The following STPG4 variants were observed in gnomAD, a reference collection of about 807,000 sequenced individuals.
The protein encoded by STPG4 is sperm-tail PG-rich repeat containing 4, also known as protein STPG4.
In STPG4, 41 loss-of-function variants were observed where a neutral mutation model predicts 31.5. The observed-to-expected ratio is 1.30, with a 90% CI of 1.01 to 1.69. The LOEUF is 1.69. Among genes scored for constraint, STPG4 ranks in the 40% most tolerant of loss-of-function variants. The pLI is 0.00. For synonymous variants in STPG4, 141 were observed against 103.0 expected (o/e 1.37, Z -2.24); for missense variants, 375 against 293.4 (o/e 1.28, Z -2.03).
chr2:47,114,746 C>A (rs776516229), intron 5 of STPG4, among the ~76,000 whole-genome samples: 1 of 152,022 alleles, frequency 6.6e-6, no homozygotes, highest in Non-Finnish European at 1.5e-5. Context: ...CATTCTTAAA[C>A]GATCATCCAA....
intron 5 of STPG4, among the ~76,000 whole-genome samples, chr2:47,099,835 G>A (rs982542639): frequency 1.3e-5 from 2 of 151,830 alleles, no homozygotes; most frequent in African/African-American, 2.4e-5. Flanking sequence ...AGCAGCTGGT[G>A]GGCCCTGCTG....
chr2:47,095,678 T>C (rs574120529), intron 5 of STPG4, among the ~76,000 whole-genome samples: 2 of 152,336 alleles, frequency 1.3e-5, no homozygotes, highest in South Asian at 2.1e-4. Context: ...TACAGTGATA[T>C]ATGACTGTCT....
chr2:47,134,455 T>C (rs1458826458), intron 3 of STPG4, among the ~76,000 whole-genome samples: 4 of 152,232 alleles, frequency 2.6e-5, no homozygotes, highest in African/African-American at 7.2e-5. Context: ...AATCATACCA[T>C]ATGCAGCCTT....
chr2:47,130,991 T>A (rs1686469092), intron 3 of STPG4, among the ~76,000 whole-genome samples: 1 of 151,722 alleles, frequency 6.6e-6, no homozygotes. Flanking sequence ...CTTTTTTATT[T>A]TTTGTAGAGA....
intron 5 of STPG4, among the ~76,000 whole-genome samples, chr2:47,102,406 A>G (rs1048626255): frequency 2.0e-5 from 3 of 151,920 alleles, no homozygotes; most frequent in African/African-American, 7.3e-5. Context: ...TATTTTCTGC[A>G]CTACGGCTTG....
chr2:47,111,771 C>CA (rs1212781145), intron 5 of STPG4, among the ~76,000 whole-genome samples: 3 of 152,056 alleles, frequency 2.0e-5, no homozygotes, highest in African/African-American at 4.8e-5. Flanking sequence ...TTCCTATGGA[C>CA]AAAAAAATGA....
intron 5 of STPG4, among the ~76,000 whole-genome samples, chr2:47,095,791 T>C (rs1450094586): frequency 3.3e-5 from 5 of 152,166 alleles, no homozygotes; most frequent in Non-Finnish European, 5.9e-5. Flanking sequence ...CCCTGGCAGC[T>C]AGGTGTGGCT....
chr2:47,092,646 G>C (rs1685594086), intron 5 of STPG4, among the ~76,000 whole-genome samples: 1 of 139,538 alleles, frequency 7.2e-6, no homozygotes, highest in Non-Finnish European at 1.6e-5. Flanking sequence ...GAGAGGAGGA[G>C]AAAGGGAGGG....
chr2:47,099,098 C>T (rs1048392219), intron 5 of STPG4, among the ~76,000 whole-genome samples: 39 of 152,218 alleles, frequency 2.6e-4, no homozygotes, highest in Non-Finnish European at 4.8e-4. Context: ...TAGGCTGTCA[C>T]ATGGGAGGGG....
chr2:47,144,840 C>G (rs1488874955), intron 3 of STPG4, among the ~76,000 whole-genome samples: 6 of 152,300 alleles, frequency 3.9e-5, no homozygotes, highest in Middle Eastern at 3.4e-3. Flanking sequence ...AAACGATTCT[C>G]CTGCCTCAGC....
chr2:47,106,666 G>C (rs1386587699), intron 5 of STPG4, among the ~76,000 whole-genome samples: 1 of 151,876 alleles, frequency 6.6e-6, no homozygotes, highest in African/African-American at 2.4e-5. Context: ...GTCAAGGATA[G>C]TATGAGATAC....
At chr2:47,152,660 T>G (rs572374815) in intron 2 of STPG4, among the ~76,000 whole-genome samples, 22 of 152,350 alleles carry the variant, frequency 1.4e-4, no homozygotes, top group Non-Finnish European at 2.5e-4. Flanking sequence ...ATGCTTTTTT[T>G]GTTTTGCAAT....
intron 3 of STPG4, among the ~76,000 whole-genome samples, chr2:47,146,711 G>A (rs368031231): frequency 5.9e-5 from 9 of 152,312 alleles, no homozygotes; most frequent in African/African-American, 1.4e-4. Context: ...CAGAGAATGA[G>A]CAGAGATGGA....
At chr2:47,152,816 T>G in intron 2 of STPG4, 141 bp downstream of exon 2, 1 of 507,138 alleles carries the variant, frequency 2.0e-6, no homozygotes, top group Non-Finnish European at 3.3e-6. Context: ...CACTAAAATT[T>G]TAAGTATGAC....
At chr2:47,093,364 A>G (rs1685608935) in intron 5 of STPG4, among the ~76,000 whole-genome samples, 1 of 152,208 alleles carries the variant, frequency 6.6e-6, no homozygotes, top group East Asian at 1.9e-4. Context: ...CTGTACTCAC[A>G]TTGAAGAAAT....
intron 5 of STPG4, among the ~76,000 whole-genome samples, chr2:47,103,648 G>A (rs535409482): frequency 3.3e-5 from 5 of 151,916 alleles, no homozygotes; most frequent in African/African-American, 1.2e-4. Context: ...ATTGTCCAAT[G>A]AGAAACAAAC....
intron 6 of STPG4, among the ~76,000 whole-genome samples, chr2:47,087,732 T>C (rs1685484151): frequency 6.6e-6 from 1 of 152,186 alleles, no homozygotes; most frequent in Admixed American, 6.5e-5. Flanking sequence ...ATAAAATGCT[T>C]GAACAAATAT....
chr2:47,094,737 C>G (rs778645572), intron 5 of STPG4, among the ~76,000 whole-genome samples: 40 of 152,156 alleles, frequency 2.6e-4, no homozygotes, highest in Non-Finnish European at 5.1e-4. Flanking sequence ...CAGTGGGTTA[C>G]GGGATGTCGC....
At chr2:47,140,611 C>T (rs1686682402) in intron 3 of STPG4, among the ~76,000 whole-genome samples, 1 of 152,206 alleles carries the variant, frequency 6.6e-6, no homozygotes, top group Non-Finnish European at 1.5e-5. Context: ...GGATAGTCTG[C>T]CCTGTGACCT....
Sources: allele counts gnomAD v4.1 joint callset (sites outside exome capture counted in the v4.1 genomes callset), GRCh38; gene constraint gnomAD v4.1.1; transcripts MANE v1.5; gene names NCBI Gene and HGNC (gene_info 2026-07-23, HGNC 2026-07-21).